The following IQCB1 variants were observed in gnomAD, a reference collection of about 807,000 sequenced individuals.
The protein encoded by IQCB1 is IQ calmodulin-binding motif-containing protein 1.
A neutral mutation model predicts 84.4 loss-of-function variants in IQCB1; 56 were observed. That is an observed-to-expected ratio of 0.66 (90% CI 0.54 to 0.83). The LOEUF (loss-of-function observed/expected upper bound fraction) is 0.83, where lower values mean the gene tolerates loss of function less well. IQCB1 is among the 40% of genes least tolerant of loss of function. IQCB1 has a pLI of 0.00. For missense variants in IQCB1, 629 were observed against 682.1 expected, an observed-to-expected ratio of 0.92 and a Z score of 0.87; for synonymous variants, 210 against 234.8, an observed-to-expected ratio of 0.89 and a Z score of 0.96.
In IQCB1 at chr3:121,826,149, C is replaced by A; in HGVS notation, c.295G>T (p.Asp99Tyr). The change falls in exon 5 of 15, where the codon GAT becomes TAT. Residue 99 changes from aspartate (D) to tyrosine (Y), a missense_variant. Coordinates refer to ENST00000310864, the MANE Select transcript of IQCB1 (RefSeq NM_001023570.4). ...HCCVGLEPGEDAEEFYNELLP... is the reference protein window; with the variant it reads ...HCCVGLEPGEYAEEFYNELLP... ...AATTCATTGTAAAATTCCTCTGCAT[C>A]TTCTCCTGGCTCCAAGCCCACACAG... The A allele has an allele frequency of 6.2e-7, 1 of 1,613,804 alleles. No individual in the cohort carries two copies. Among genetic ancestry groups the A allele is most frequent in the Non-Finnish European group, 8.5e-7 (1 of 1,179,714 alleles).
Position 121,795,466 on chromosome 3 carries a change from C to T in IQCB1, c.977G>A (p.Arg326Lys). Residue 326 changes from arginine (R) to lysine (K), a missense_variant, in exon 10 of 15, where the codon AGG becomes AAG. Arg to Lys is a conservative substitution (Grantham distance 26). Transcript: ENST00000310864. ...CACCAAATTTTTTTACCTGAAACTC[C>T]TCTGCAAAGCAATCACAGCAGATGG... is the stretch of plus-strand genomic sequence containing the variant. ...KLPSAVIALQRSFRSKRSKML... is the reference protein window; with the variant it reads ...KLPSAVIALQKSFRSKRSKML... The T allele has an allele frequency of 3.8e-6, 6 of 1,588,402 alleles. No homozygotes were observed. Among genetic ancestry groups the T allele is most frequent in the Non-Finnish European group, 5.2e-6 (6 of 1,158,336 alleles).
intron 2 of IQCB1, among the ~76,000 whole-genome samples, chr3:121,833,773 AT>A (rs1476918472): frequency 2.6e-5 from 4 of 152,226 alleles, no homozygotes; most frequent in Non-Finnish European, 5.9e-5. Context: ...TGTAAACAAA[AT>A]AGCAATTCCT....
rs192049433 is a variant in IQCB1 at position 121,826,297 on chromosome 3, A to G, written c.264-117T>C. ...ATGCTTCTTTTGTTACCAAGACAATAAAGAATTTTTGTTGAAAAATTAGTC... is the reference window on the plus strand; with the variant it reads ...ATGCTTCTTTTGTTACCAAGACAATGAAGAATTTTTGTTGAAAAATTAGTC... On this transcript the variant is annotated intron_variant, in intron 4 of 14. Transcript: ENST00000310864. The G allele has an allele frequency of 2.2e-4, 227 of 1,027,948 alleles. No individual in the cohort carries two copies. In the East Asian group the frequency reaches 5.6e-3, roughly 25 times the overall value. 63.7% of individuals were successfully genotyped at this position (1,027,948 alleles called of 1,614,324 possible). A position where few individuals can be genotyped will look rare whatever the true frequency, so the allele number is the denominator to read the frequency against.
chr3:121,808,864 T>C, intron 6 of IQCB1, 52 bp downstream of exon 6: 3 of 1,067,076 alleles, frequency 2.8e-6, no homozygotes, highest in Non-Finnish European at 4.4e-6. Flanking sequence ...ATCAAACTGT[T>C]AGCAGTTGAC....
At chr3:121,789,305 C>T (rs1461884398) in intron 11 of IQCB1, among the ~76,000 whole-genome samples, 3 of 152,224 alleles carry the variant, frequency 2.0e-5, no homozygotes, top group Non-Finnish European at 4.4e-5. Flanking sequence ...CCATCTCTAG[C>T]CACTGGCTAC....
intron 13 of IQCB1, among the ~76,000 whole-genome samples, chr3:121,772,934 G>C (rs748112301): frequency 2.7e-5 from 4 of 150,790 alleles, no homozygotes; most frequent in Non-Finnish European, 4.4e-5. Flanking sequence ...TTTTTTGTAT[G>C]TGCCTATACT....
chr3:121,785,642 CAT>C (rs1258098346), intron 12 of IQCB1, among the ~76,000 whole-genome samples: 1 of 152,000 alleles, frequency 6.6e-6, no homozygotes, highest in East Asian at 1.9e-4. Context: ...TTATATAAAA[CAT>C]ACAACAATAT....
chr3:121,776,424 T>A (rs1357487675), intron 13 of IQCB1, among the ~76,000 whole-genome samples: 3 of 152,226 alleles, frequency 2.0e-5, no homozygotes, highest in Non-Finnish European at 4.4e-5. Context: ...TTAAAGAAAC[T>A]GTTGAACTGT....
intron 5 of IQCB1, among the ~76,000 whole-genome samples, chr3:121,825,003 A>G (rs1950412699): frequency 6.6e-6 from 1 of 152,084 alleles, no homozygotes. Flanking sequence ...CATGGTTCTG[A>G]CATGCACGAG....
intron 13 of IQCB1, among the ~76,000 whole-genome samples, chr3:121,773,313 T>TAAAAAAAAAAA (rs57716745): frequency 9.6e-6 from 1 of 104,418 alleles, no homozygotes; most frequent in African/African-American, 3.7e-5. Flanking sequence ...GACTCTGCCT[T>TAAAAAAAAAAA]AAAAAAAAAA....
chr3:121,818,144 C>T (rs1950142075), intron 5 of IQCB1, among the ~76,000 whole-genome samples: 1 of 152,182 alleles, frequency 6.6e-6, no homozygotes, highest in South Asian at 2.1e-4. Context: ...TGAATCTGCT[C>T]AAGCTCTGAT....
chr3:121,795,102 T>G (rs147250477), intron 10 of IQCB1, among the ~76,000 whole-genome samples: 4 of 152,094 alleles, frequency 2.6e-5, no homozygotes, highest in Non-Finnish European at 4.4e-5. Flanking sequence ...AGACTTAAAC[T>G]CTTATACGCA....
Position 121,787,339 on chromosome 3 carries a change from AAG to A in IQCB1, c.1278+943_1278+944del, listed in dbSNP as rs1275864294. On this transcript the variant is annotated intron_variant, in intron 12 of 14. Transcript: ENST00000310864. ...CCTAATATGAAAGTTAACCATGTAT[AAG>A]AGAACAACGGGATGTTAGGAAAACT... 3.3e-5 allele frequency among the ~76,000 whole-genome samples: 5 copies of A among 152,222 alleles called. No individual in the cohort carries two copies. The East Asian group carries it at 9.6e-4, about 29-fold the overall frequency.
intron 4 of IQCB1, 66 bp downstream of exon 4, chr3:121,828,404 A>G: frequency 7.1e-7 from 1 of 1,406,620 alleles, no homozygotes; most frequent in Non-Finnish European, 1.0e-6. Context: ...AATAAAAAGC[A>G]AATGTTGAAA....
chr3:121,810,088 G>C (rs893045904), intron 5 of IQCB1, among the ~76,000 whole-genome samples: 2 of 152,174 alleles, frequency 1.3e-5, no homozygotes, highest in East Asian at 1.9e-4. Flanking sequence ...AATCCCAAAA[G>C]ATAGTGTTGT....
intron 7 of IQCB1, 62 bp from the exon 8 acceptor site, chr3:121,799,436 A>T: frequency 1.0e-6 from 1 of 1,000,096 alleles, no homozygotes; most frequent in African/African-American, 1.6e-5. Flanking sequence ...ATCACAACAA[A>T]TCTAAAATAT....
chr3:121,823,194 G>A (rs1306044846), intron 5 of IQCB1, among the ~76,000 whole-genome samples: 1 of 51,480 alleles, frequency 1.9e-5, no homozygotes, highest in Non-Finnish European at 3.4e-5. Context: ...CGAAACTGAA[G>A]TAAACAACAA....
At chr3:121,784,724 C>G (rs943375397) in intron 12 of IQCB1, among the ~76,000 whole-genome samples, 32 of 152,148 alleles carry the variant, frequency 2.1e-4, no homozygotes, top group African/African-American at 7.7e-4. Context: ...CTCTGTCACC[C>G]TGGCTGGAGT....
At chr3:121,791,862 G>A (rs1340903279) in intron 10 of IQCB1, among the ~76,000 whole-genome samples, 1 of 152,126 alleles carries the variant, frequency 6.6e-6, no homozygotes, top group Non-Finnish European at 1.5e-5. Flanking sequence ...AGGCCAAGGT[G>A]GGTGGATCAC....
Sources: allele counts gnomAD v4.1 joint callset (sites outside exome capture counted in the v4.1 genomes callset), GRCh38; gene constraint gnomAD v4.1.1; transcripts MANE v1.5; gene names NCBI Gene and HGNC (gene_info 2026-07-23, HGNC 2026-07-21).